Variants in FRMD4A observed in about 807,000 individuals in gnomAD.
The protein encoded by FRMD4A is FERM domain-containing protein 4A.
FRMD4A carries 29 observed loss-of-function variants against 129.1 expected under a neutral mutation model. The observed-to-expected ratio is 0.22, with a 90% confidence interval of 0.17 to 0.31. FRMD4A has a LOEUF of 0.31. Among genes scored for constraint, FRMD4A ranks in the 10% least tolerant of loss-of-function variants. The probability of loss-of-function intolerance (pLI) is 1.00; values close to 1 mark genes in which losing one functional copy is unlikely to be tolerated. For missense variants in FRMD4A, 1,272 were observed against 1,375.8 expected (o/e 0.92, Z 1.19); for synonymous variants, 634 against 571.6 (o/e 1.11, Z -1.56).
intron 2 of FRMD4A, among the ~76,000 whole-genome samples, chr10:14,268,415 G>A (rs758484589): frequency 1.2e-4 from 19 of 152,130 alleles, no homozygotes; most frequent in African/African-American, 2.2e-4. Flanking sequence ...CACCTTAGAC[G>A]CTCTTTATCC....
intron 2 of FRMD4A, among the ~76,000 whole-genome samples, chr10:14,087,337 T>C (rs866218997): frequency 6.8e-6 from 1 of 147,470 alleles, no homozygotes; most frequent in Admixed American, 6.8e-5. Context: ...ATATATAAAT[T>C]ATATTTATAT....
chr10:14,047,416 T>C lies in FRMD4A; in HGVS notation c.46-188504A>G, dbSNP rs7915306. ...GAAAGGTCCTCAGAGGCCTGCCTAC[T>C]GGTATGTGATCCACACACATTTCCA... On this transcript the variant is annotated intron_variant, in intron 2 of 24. Coordinates refer to ENST00000357447, the MANE Select transcript of FRMD4A (RefSeq NM_018027.5). Among the ~76,000 whole-genome samples the C allele has an allele frequency of 0.011, 1,671 of 152,176 alleles. 60 individuals carry two copies. The East Asian group carries it at 0.11, about 10-fold the overall frequency.
At chr10:14,208,803 G>T (rs1564388411) in intron 2 of FRMD4A, among the ~76,000 whole-genome samples, 2 of 152,122 alleles carry the variant, frequency 1.3e-5, no homozygotes, top group Admixed American at 1.3e-4. Flanking sequence ...TCCCATGCCT[G>T]GTTCCCATTC....
chr10:13,946,275 G>T (rs562880696), intron 2 of FRMD4A, among the ~76,000 whole-genome samples: 6 of 152,290 alleles, frequency 3.9e-5, no homozygotes, highest in African/African-American at 1.4e-4. Flanking sequence ...TCTTTCTGAT[G>T]CCCTGAGGGC....
chr10:13,705,514 C>G (rs2134895463), intron 13 of FRMD4A, among the ~76,000 whole-genome samples: 1 of 152,296 alleles, frequency 6.6e-6, no homozygotes. Flanking sequence ...GGAGCATCCC[C>G]TTTCTGCATC....
At chr10:13,692,624 G>T (rs1350926020) in intron 15 of FRMD4A, 1 of 152,214 alleles carries the variant, frequency 6.6e-6, no homozygotes, top group African/African-American at 2.4e-5. Context: ...AGTCCAGGAA[G>T]GATGTCTGTC....
At chr10:13,901,003 A>G (rs1023475400) in intron 2 of FRMD4A, among the ~76,000 whole-genome samples, 1 of 152,256 alleles carries the variant, frequency 6.6e-6, no homozygotes, top group Non-Finnish European at 1.5e-5. Flanking sequence ...CAGTCTTCGC[A>G]ACAGCCCTCT....
intron 2 of FRMD4A, among the ~76,000 whole-genome samples, chr10:14,156,028 C>T (rs1840578999): frequency 6.6e-6 from 1 of 152,230 alleles, no homozygotes; most frequent in Non-Finnish European, 1.5e-5. Flanking sequence ...AATTTCCCTC[C>T]CAGGTGCAGA....
intron 8 of FRMD4A, among the ~76,000 whole-genome samples, chr10:13,749,202 C>T (rs1588544561): frequency 6.6e-6 from 1 of 152,178 alleles, no homozygotes. Context: ...GTTGCAAAGG[C>T]ACATGTAGGA....
chr10:13,733,838 G>A (rs1024692762), intron 12 of FRMD4A, among the ~76,000 whole-genome samples: 1 of 152,210 alleles, frequency 6.6e-6, no homozygotes, highest in African/African-American at 2.4e-5. Flanking sequence ...GCATCTCACC[G>A]TGATCGTCGT....
chr10:13,935,476 GT>G lies in FRMD4A; in HGVS notation c.46-76565del, dbSNP rs2095241371. 1.9e-4 allele frequency among the ~76,000 whole-genome samples: 20 copies of G among 104,502 alleles called. 3 individuals carry two copies. The highest frequency in any genetic ancestry group is 2.9e-4 in the Non-Finnish European group (15 of 50,930). 68.6% of individuals were successfully genotyped at this position (104,502 alleles called of 152,430 possible). On this transcript the variant is annotated intron_variant, in intron 2 of 24. Transcript: ENST00000357447. ...AAAAAAAAAAAAAAAAAAAAAAAAA[GT>G]TGTTACCAAATGATCAACGATTTTC...
intron 2 of FRMD4A, among the ~76,000 whole-genome samples, chr10:14,253,103 G>T (rs971164666): frequency 6.6e-6 from 1 of 152,184 alleles, no homozygotes; most frequent in Non-Finnish European, 1.5e-5. Context: ...ACCAAGAAAA[G>T]ATATATTTAT....
chr10:14,018,195 C>T (rs2095705064), intron 2 of FRMD4A, among the ~76,000 whole-genome samples: 1 of 151,646 alleles, frequency 6.6e-6, no homozygotes, highest in African/African-American at 2.4e-5. Context: ...ATCTGTAATC[C>T]CAGCACTTTG....
At chr10:13,864,761 G>C (rs2094343048) in intron 2 of FRMD4A, among the ~76,000 whole-genome samples, 1 of 151,868 alleles carries the variant, frequency 6.6e-6, no homozygotes, top group Admixed American at 6.6e-5. Flanking sequence ...ATTTTTGGTA[G>C]AGATGGGGTT....
At chr10:13,660,924 C>T (rs1464794215) in intron 19 of FRMD4A, among the ~76,000 whole-genome samples, 1 of 152,166 alleles carries the variant, frequency 6.6e-6, no homozygotes, top group Non-Finnish European at 1.5e-5. Flanking sequence ...AGATGCTAAG[C>T]ATCTGATTCA....
intron 2 of FRMD4A, among the ~76,000 whole-genome samples, chr10:13,938,567 A>G (rs1281531808): frequency 6.6e-6 from 1 of 152,052 alleles, no homozygotes; most frequent in Non-Finnish European, 1.5e-5. Context: ...TATATGAACT[A>G]CTTTTTGCTC....
At chr10:13,866,250 C>T in intron 2 of FRMD4A, 1 of 954,688 alleles carries the variant, frequency 1.0e-6, no homozygotes, top group Non-Finnish European at 1.2e-6. Flanking sequence ...AAGGCCCTAC[C>T]AGTGACTTAC....
At chr10:14,187,552 G>T (rs1392298206) in intron 2 of FRMD4A, among the ~76,000 whole-genome samples, 3 of 152,096 alleles carry the variant, frequency 2.0e-5, no homozygotes, top group African/African-American at 7.2e-5. Context: ...CCCCCAAATT[G>T]ACATAGAAAA....
chr10:13,759,587 A>AT (rs1483400196), intron 8 of FRMD4A, among the ~76,000 whole-genome samples: 1 of 152,138 alleles, frequency 6.6e-6, no homozygotes, highest in African/African-American at 2.4e-5. Context: ...TTTTTAAATC[A>AT]TTTTTTCATG....
Sources: gnomAD v4.1 joint callset for allele counts (sites outside exome capture counted in the v4.1 genomes callset) on GRCh38, gnomAD v4.1.1 for gene constraint, MANE v1.5 for transcripts, NCBI Gene and HGNC (gene_info 2026-07-23, HGNC 2026-07-21) for gene names.